SZT2: variants seen among roughly 807,000 people sequenced by gnomAD.
The protein encoded by SZT2 is KICSTOR complex protein SZT2.
In SZT2, 216 loss-of-function variants were observed where a neutral mutation model predicts 404.2. That is an observed-to-expected ratio of 0.53 (90% CI 0.48 to 0.60). The LOEUF is 0.60. Ranked by LOEUF, SZT2 falls within the 20% of genes least tolerant of loss-of-function variation. The pLI is 0.00. For missense variants in SZT2, 3,857 were observed against 4,459.2 expected, an observed-to-expected ratio of 0.86 and a Z score of 3.85; for synonymous variants, 1,693 against 1,749.9, an observed-to-expected ratio of 0.97 and a Z score of 0.81.
In SZT2 at chr1:43,437,757, G is replaced by C; in HGVS notation, c.6397-34G>C. ...GTGTTCCTCTTGCACTTTGCTCTCT[G>C]GAACCGGGGCCCTGACCACAGTTTT... On this transcript the variant is annotated intron_variant, in intron 45 of 71. Transcript: ENST00000634258. The surrounding 1 kb of genome is among the most constrained non-coding windows in gnomAD (Gnocchi z 5.3). The C allele has an allele frequency of 6.2e-7, 1 of 1,614,054 alleles. No homozygotes were observed. Among genetic ancestry groups the C allele is most frequent in the Non-Finnish European group, 8.5e-7 (1 of 1,179,974 alleles).
At position 43,420,993 on chromosome 1, in the gene SZT2, GTCATCACTCAATGAGTGCTGCCCCAT is replaced by G; in HGVS notation, c.1496+12_1496+37del. On this transcript the variant is annotated intron_variant, in intron 10 of 71. Transcript: ENST00000634258. This position sits in a 1 kb window ranked among gnomAD's most constrained non-coding sequence, Gnocchi z 5.1. The stretch of plus-strand genomic sequence containing the variant: ...GGAACACGCTGCAGAGGTCAGTGAA[GTCATCACTCAATGAGTGCTGCCCCAT>G]TTGTTGTATGGAGGGACAGATTTGC... The G allele has an allele frequency of 6.3e-7, 1 of 1,598,154 alleles. No individual in the cohort carries two copies. The highest frequency in any genetic ancestry group is 8.5e-7 in the Non-Finnish European group (1 of 1,179,538).
chr1:43,453,786 G>A lies in SZT2; in HGVS notation c.*3306G>A, dbSNP rs964020791. 3.9e-6 allele frequency: 5 copies of A among 1,283,646 alleles called. No individual in the cohort carries two copies. In the African/African-American group the frequency reaches 6.2e-5, roughly 16 times the overall value. The allele number at this position is 1,283,646 out of a possible 1,614,324, so 79.5% of individuals were successfully genotyped here. On this transcript the variant is annotated 3_prime_UTR_variant, in exon 72 of 72. Transcript: ENST00000634258. ...GGACAGATTGGCGGAGAAGCGCAGCGGCGCCATGCCTGGGGAGGCCGGGCC... is the reference window on the plus strand; with the variant it reads ...GGACAGATTGGCGGAGAAGCGCAGCAGCGCCATGCCTGGGGAGGCCGGGCC...
chr1:43,449,707 G>A, intron 70 of SZT2: 1 of 301,724 alleles, frequency 3.3e-6, no homozygotes, highest in Non-Finnish European at 6.5e-6. Flanking sequence ...ATCCCGGGAT[G>A]GATCACCAAG....
At position 43,430,565 on chromosome 1, in the gene SZT2, G is replaced by A. The variant is rs746703379; in HGVS notation, c.4550G>A (p.Arg1517His). Reference sequence around the variant, plus strand: ...CTAGAGGTAGAATACCGGGAGAGCCGTGAATCAGACCTGGGGCCTGCTGGG... The same window carrying A: ...CTAGAGGTAGAATACCGGGAGAGCCATGAATCAGACCTGGGGCCTGCTGGG... ...PELEVEYRES[R>H]ESDLGPAGLD... The change falls in exon 32 of 72, where the codon CGT (arginine) becomes CAT (histidine). Residue 1517 changes from arginine (R) to histidine (H), a missense_variant. Physicochemically the swap from Arg to His is conservative, Grantham distance 29 (BLOSUM62 0). Transcript: ENST00000634258. 1.7e-5 allele frequency: 28 copies of A among 1,614,212 alleles called. No homozygotes were observed. Among genetic ancestry groups the A allele is most frequent in the Admixed American group, 1.7e-4 (10 of 60,028 alleles).
chr1:43,440,427 GT>G (rs747425430), intron 51 of SZT2, 25 bp from the exon 52 acceptor site: 2 of 1,558,530 alleles, frequency 1.3e-6, no homozygotes, highest in Non-Finnish European at 1.7e-6. Context: ...TCAGTGATGG[GT>G]GTCTGTAATG....
chr1:43,436,838 G>C (rs1654504424), intron 42 of SZT2: 1 of 330,518 alleles, frequency 3.0e-6, no homozygotes, highest in Non-Finnish European at 5.6e-6. Flanking sequence ...CATAGTGTTA[G>C]AGTGCTACTG....
intron 51 of SZT2, 38 bp downstream of exon 51, chr1:43,440,086 TCA>T (rs750589187): frequency 6.2e-7 from 1 of 1,612,484 alleles, no homozygotes; most frequent in Non-Finnish European, 8.5e-7. Context: ...CCAGAGAATG[TCA>T]CAGATCCAAG....
At position 43,447,894 on chromosome 1, in the gene SZT2, C is replaced by T. The variant is rs749826900; in HGVS notation, c.9486C>T (p.Asp3162=). ...LDSEGLRHQD[D]FDVSLLVCHC... ...CTGAGGGACTTCGACACCAGGATGA[C>T]TTTGATGTGTCTCTGCTTGTCTGTC... Residue 3162 remains aspartate, a synonymous_variant, in exon 68 of 72, where the codon GAC becomes GAT. Coordinates refer to ENST00000634258, the MANE Select transcript of SZT2 (RefSeq NM_001365999.1). 38 of 1,613,992 alleles carry T rather than the reference C, an allele frequency of 2.4e-5. No homozygotes were observed. Among genetic ancestry groups the T allele is most frequent in the Non-Finnish European group, 3.2e-5 (38 of 1,180,018 alleles).
rs1413671838 is a variant in SZT2, at chr1:43,450,244, C to T, written c.10155+73C>T. 6.2e-7 allele frequency: 1 copy of T among 1,613,438 alleles called. No individual in the cohort carries two copies. Among genetic ancestry groups the T allele is most frequent in the Non-Finnish European group, 8.5e-7 (1 of 1,179,474 alleles). ...CCCAAATGCTCCACCTCGGAGCCTGCTGAGGTTGGGGTGCCCACCCTTTCT... is the reference window on the plus strand; with the variant it reads ...CCCAAATGCTCCACCTCGGAGCCTGTTGAGGTTGGGGTGCCCACCCTTTCT... On this transcript the variant is annotated intron_variant, in intron 71 of 71. Coordinates refer to ENST00000634258, the MANE Select transcript of SZT2 (RefSeq NM_001365999.1). This position sits in a 1 kb window ranked among gnomAD's most constrained non-coding sequence, Gnocchi z 4.3.
chr1:43,420,688 C>A lies in SZT2; in HGVS notation c.1262-61C>A. 3 of 1,506,014 alleles carry A rather than the reference C, an allele frequency of 2.0e-6. No homozygotes were observed. The highest frequency in any genetic ancestry group is 2.7e-6 in the Non-Finnish European group (3 of 1,105,330). The allele number at this position is 1,506,014 out of a possible 1,614,324, so 93.3% of individuals were successfully genotyped here. On this transcript the variant is annotated intron_variant, in intron 9 of 71. Coordinates refer to ENST00000634258, the MANE Select transcript of SZT2 (RefSeq NM_001365999.1). This position sits in a 1 kb window ranked among gnomAD's most constrained non-coding sequence, Gnocchi z 5.1. Reference sequence around the variant, plus strand: ...AGGTAGGTGGGGGTTTCAGATAGAACTCGATCCCAGGCCTAGAGTCCTATG... The same window carrying A: ...AGGTAGGTGGGGGTTTCAGATAGAAATCGATCCCAGGCCTAGAGTCCTATG...
rs1309429191 is a variant in SZT2, at chr1:43,448,466, G to A, written c.9951G>A (p.Gly3317=). 6.2e-7 allele frequency: 1 copy of A among 1,609,744 alleles called. No homozygotes were observed. Among genetic ancestry groups the A allele is most frequent in the Non-Finnish European group, 8.5e-7 (1 of 1,178,156 alleles). Residue 3317 remains glycine, a synonymous_variant, in exon 69 of 72, where the codon GGG becomes GGA. Transcript: ENST00000634258. This position sits in a 1 kb window ranked among gnomAD's most constrained non-coding sequence, Gnocchi z 4.2. ...AAGCAGTCCATGCCAAATCCATTGG[G>A]GACATCGACCCCCAGCTGGTAAGGA... ...LLEAVHAKSI[G]DIDPQLDCFL... is the part of the protein sequence containing the mutation.
rs1444007658 is a variant in SZT2 at position 43,431,038 on chromosome 1, A to T, written c.4864A>T (p.Thr1622Ser). The T allele has an allele frequency of 1.2e-6, 2 of 1,614,024 alleles. No homozygotes were observed. Among genetic ancestry groups the T allele is most frequent in the Admixed American group, 3.3e-5 (2 of 60,010 alleles). The change falls in exon 33 of 72, where the codon ACT becomes TCT. Residue 1622 changes from threonine (T) to serine (S), a missense_variant. Transcript: ENST00000634258. ...LSVTLDVFMLTLPLEVELPTA... is the reference protein window; with the variant it reads ...LSVTLDVFMLSLPLEVELPTA... ...TGTGACTCTGGATGTCTTCATGCTG[A>T]CTTTGCCCCTGGAAGTGGAGCTCCC...
At chr1:43,394,707 C>T (rs1648784879) in intron 1 of SZT2, among the ~76,000 whole-genome samples, 1 of 151,794 alleles carries the variant, frequency 6.6e-6, no homozygotes, top group Non-Finnish European at 1.5e-5. Flanking sequence ...GGAGAAACCT[C>T]GTCTCTACCA....
intron 6 of SZT2, 80 bp downstream of exon 6, chr1:43,416,181 TTC>T: frequency 6.6e-7 from 1 of 1,521,264 alleles, no homozygotes; most frequent in Non-Finnish European, 8.8e-7. Context: ...AAGATAGCAG[TTC>T]CAGGGAATCA....
Position 43,442,227 on chromosome 1 carries a change from C to G in SZT2, c.7874-41C>G, listed in dbSNP as rs200231508. 3 of 1,603,342 alleles carry G rather than the reference C, an allele frequency of 1.9e-6. No individual in the cohort carries two copies. The highest frequency in any genetic ancestry group is 2.6e-6 in the Non-Finnish European group (3 of 1,174,272). On this transcript the variant is annotated intron_variant, in intron 56 of 71. Transcript: ENST00000634258. The surrounding 1 kb of genome is among the most constrained non-coding windows in gnomAD (Gnocchi z 4.5). Reference sequence around the variant, plus strand: ...AGGGGAGGGTGGGATCAAGGGGGATCTGTTCCCAGGCCCCTATTGTGCCCC... The same window carrying G: ...AGGGGAGGGTGGGATCAAGGGGGATGTGTTCCCAGGCCCCTATTGTGCCCC...
chr1:43,441,774 C>T lies in SZT2; in HGVS notation c.7698C>T (p.Thr2566=). The change falls in exon 55 of 72, where the codon ACC becomes ACT. Residue 2566 remains threonine (T), a synonymous_variant. Coordinates refer to ENST00000634258, the MANE Select transcript of SZT2 (RefSeq NM_001365999.1). The surrounding 1 kb of genome is among the most constrained non-coding windows in gnomAD (Gnocchi z 4.8). ...TGTCTGAGTTCACCGCACTGGTCAC[C>T]TCAATGGCTGGAGACACCAGTGTCC... ...SILSEFTALV[T]SMAGDTSVRI... is the part of the protein sequence containing the mutation. 3 of 1,614,190 alleles carry T rather than the reference C, an allele frequency of 1.9e-6. No individual in the cohort carries two copies. The highest frequency in any genetic ancestry group is 2.5e-6 in the Non-Finnish European group (3 of 1,180,028).
chr1:43,425,485 A>T lies in SZT2; in HGVS notation c.2657A>T (p.Asp886Val), dbSNP rs768682401. Residue 886 changes from aspartate (D) to valine (V), a missense_variant, in exon 19 of 72, where the codon GAT (aspartate) becomes GTT (valine). Around this residue, in one of 7 missense-constraint regions of SZT2, gnomAD observed 1,725 missense variants for 1,881.0 expected, o/e 0.92. Transcript: ENST00000634258. This position sits in a 1 kb window ranked among gnomAD's most constrained non-coding sequence, Gnocchi z 4.3. ...STSTKDSFST[D>V]DDNDVEVEAL... ...CCTTCCTCCTTTAGCTTCTCGACAG[A>T]TGATGACAATGATGTGGAAGTGGAG... 1 of 1,614,118 alleles carries T rather than the reference A, an allele frequency of 6.2e-7. No individual in the cohort carries two copies. The highest frequency in any genetic ancestry group is 2.2e-5 in the East Asian group (1 of 44,858).
chr1:43,393,313 C>T (rs866941950), intron 1 of SZT2, among the ~76,000 whole-genome samples: 3 of 152,162 alleles, frequency 2.0e-5, no homozygotes, highest in South Asian at 2.1e-4. Flanking sequence ...TTACTGAATG[C>T]TTACTGAGTA....
rs1245598661 is a variant in SZT2 at position 43,439,501 on chromosome 1, C to T, written c.6877+59C>T. The T allele has an allele frequency of 3.1e-6, 5 of 1,597,078 alleles. No individual in the cohort carries two copies. Among genetic ancestry groups the T allele is most frequent in the South Asian group, 1.1e-5 (1 of 88,852 alleles). Reference sequence around the variant, plus strand: ...AGGTGAGGGAAAGCCTTTTGTCATCCTATTGCTAAGAGGACATTTCCCAGG... The same window carrying T: ...AGGTGAGGGAAAGCCTTTTGTCATCTTATTGCTAAGAGGACATTTCCCAGG... On this transcript the variant is annotated intron_variant, in intron 49 of 71. Coordinates refer to ENST00000634258, the MANE Select transcript of SZT2 (RefSeq NM_001365999.1). This position sits in a 1 kb window ranked among gnomAD's most constrained non-coding sequence, Gnocchi z 4.2.
Sources: gnomAD v4.1 joint callset for allele counts (sites outside exome capture counted in the v4.1 genomes callset) on GRCh38, gnomAD v4.1.1 for gene constraint, gnomAD v4.1.1 regional missense constraint, Gnocchi (gnomAD v3.1) non-coding constraint, MANE v1.5 for transcripts, NCBI Gene and HGNC (gene_info 2026-07-23, HGNC 2026-07-21) for gene names.